Variants in CDH18 observed in about 807,000 individuals in gnomAD.
CDH18 encodes cadherin 18.
Under a neutral mutation model 67.9 loss-of-function variants are expected in CDH18, and 31 were observed. The ratio of observed to expected loss-of-function variants is 0.46; its 90% CI spans 0.34 to 0.62. The LOEUF (loss-of-function observed/expected upper bound fraction) is 0.62, where lower values mean the gene tolerates loss of function less well. Ranked by LOEUF, CDH18 falls within the 20% of genes least tolerant of loss-of-function variation. CDH18 has a pLI of 0.01. For synonymous variants in CDH18, 362 were observed against 347.2 expected (o/e 1.04, Z -0.48); for missense variants, 890 against 975.5 (o/e 0.91, Z 1.17).
intron 1 of CDH18, among the ~76,000 whole-genome samples, chr5:20,261,737 A>G (rs771143023): frequency 5.9e-5 from 9 of 152,198 alleles, no homozygotes; most frequent in Non-Finnish European, 1.3e-4. Flanking sequence ...TTTAAAAAAA[A>G]AAAATGATAG....
chr5:19,966,343 T>C (rs1353070187), intron 2 of CDH18, among the ~76,000 whole-genome samples: 1 of 152,154 alleles, frequency 6.6e-6, no homozygotes, highest in African/African-American at 2.4e-5. Context: ...AGGCTTCTAA[T>C]CTTTAATCAC....
chr5:20,400,783 A>C (rs778872686), intron 1 of CDH18, among the ~76,000 whole-genome samples: 1 of 152,188 alleles, frequency 6.6e-6, no homozygotes, highest in Non-Finnish European at 1.5e-5. Context: ...CCAAGTAATC[A>C]AACAAATAAA....
chr5:19,854,765 AT>A (rs1197378407), intron 2 of CDH18, among the ~76,000 whole-genome samples: 2 of 151,826 alleles, frequency 1.3e-5, no homozygotes, highest in East Asian at 3.9e-4. Flanking sequence ...TTATTTATTT[AT>A]TTTAACTTTT....
At chr5:20,171,169 C>T (rs377071219) in intron 2 of CDH18, among the ~76,000 whole-genome samples, 1 of 151,982 alleles carries the variant, frequency 6.6e-6, no homozygotes, top group Non-Finnish European at 1.5e-5. Flanking sequence ...AATAGTGCTG[C>T]AATATACATA....
intron 5 of CDH18, among the ~76,000 whole-genome samples, chr5:19,705,209 C>T (rs1360982536): frequency 1.3e-5 from 2 of 152,282 alleles, no homozygotes; most frequent in Non-Finnish European, 2.9e-5. Context: ...ACGTTATGAT[C>T]ACTTGCAAAA....
intron 3 of CDH18, among the ~76,000 whole-genome samples, chr5:19,779,983 A>G (rs906664116): frequency 2.6e-5 from 4 of 152,164 alleles, no homozygotes; most frequent in Non-Finnish European, 5.9e-5. Flanking sequence ...AAAATTATAT[A>G]TCATGCTAAG....
chr5:19,844,055 G>A (rs552516216), intron 2 of CDH18, among the ~76,000 whole-genome samples: 1 of 152,266 alleles, frequency 6.6e-6, no homozygotes, highest in East Asian at 1.9e-4. Flanking sequence ...GCTCCTAGGT[G>A]GGAGTGACTT....
chr5:20,500,152 A>G (rs1180622862), intron 1 of CDH18, among the ~76,000 whole-genome samples: 1 of 152,168 alleles, frequency 6.6e-6, no homozygotes, highest in Admixed American at 6.6e-5. Flanking sequence ...AAAAATAAAC[A>G]TTTTAATATC....
chr5:19,822,557 C>T (rs957082782), intron 3 of CDH18, among the ~76,000 whole-genome samples: 1 of 152,118 alleles, frequency 6.6e-6, no homozygotes, highest in African/African-American at 2.4e-5. Flanking sequence ...GCAGACATCA[C>T]ATGTCAGTAG....
chr5:19,561,467 A>G (rs894128541), intron 8 of CDH18, among the ~76,000 whole-genome samples: 2 of 152,124 alleles, frequency 1.3e-5, no homozygotes, highest in African/African-American at 4.8e-5. Flanking sequence ...ATGAGGATGC[A>G]AAGGCACAAG....
chr5:20,481,058 A>G (rs1199876029), intron 1 of CDH18, among the ~76,000 whole-genome samples: 6 of 151,082 alleles, frequency 4.0e-5, no homozygotes, highest in African/African-American at 1.5e-4. Flanking sequence ...GGCTGCCAGG[A>G]AAAAAAAAGC....
intron 2 of CDH18, among the ~76,000 whole-genome samples, chr5:20,197,972 T>G (rs533032116): frequency 8.5e-5 from 13 of 152,170 alleles, no homozygotes; most frequent in South Asian, 8.3e-4. Context: ...CCTCATGAGA[T>G]CTAATGGTTT....
At chr5:20,037,568 T>G (rs114388848) in intron 2 of CDH18, among the ~76,000 whole-genome samples, 3 of 151,834 alleles carry the variant, frequency 2.0e-5, no homozygotes, top group Admixed American at 1.3e-4. Context: ...AAAACCACAC[T>G]ATATGGAAAC....
intron 5 of CDH18, among the ~76,000 whole-genome samples, chr5:19,641,424 T>C (rs771809980): frequency 3.3e-5 from 5 of 151,990 alleles, no homozygotes; most frequent in Non-Finnish European, 5.9e-5. Context: ...TTGAAGAACA[T>C]AGATGCAAAC....
At chr5:19,741,240 TA>T (rs1769119731) in intron 4 of CDH18, among the ~76,000 whole-genome samples, 2 of 26,370 alleles carry the variant, frequency 7.6e-5, no homozygotes, top group Non-Finnish European at 6.9e-4. Flanking sequence ...TATATGTACA[TA>T]TATGTATGTA....
rs189467328 is a variant in CDH18 at position 19,884,239 on chromosome 5, T to G, written c.-256-44997A>C. ...TCGCCTACTTCAGCTCATTTCTTGCTATAAAAGACTGTTAACAAAATTGTT... is the reference window on the plus strand; with the variant it reads ...TCGCCTACTTCAGCTCATTTCTTGCGATAAAAGACTGTTAACAAAATTGTT... On this transcript the variant is annotated intron_variant, in intron 2 of 12. Coordinates refer to ENST00000382275, the MANE Select transcript of CDH18 (RefSeq NM_004934.5). Among the ~76,000 whole-genome samples the G allele has an allele frequency of 3.0e-3, 452 of 152,262 alleles. 5 individuals are homozygous for G. The highest frequency in any genetic ancestry group is 9.8e-3 in the African/African-American group (408 of 41,584).
intron 2 of CDH18, among the ~76,000 whole-genome samples, chr5:19,869,017 G>T (rs891698192): frequency 6.6e-6 from 1 of 152,002 alleles, no homozygotes; most frequent in Admixed American, 6.6e-5. Context: ...CATCATTAAG[G>T]GACAAAATAA....
chr5:20,259,276 A>G (rs1744470189), intron 1 of CDH18, among the ~76,000 whole-genome samples: 2 of 152,188 alleles, frequency 1.3e-5, no homozygotes, highest in South Asian at 4.1e-4. Flanking sequence ...GCACTGTGCT[A>G]TGCAGTAAAA....
intron 6 of CDH18, among the ~76,000 whole-genome samples, chr5:19,610,915 C>T (rs2150104801): frequency 6.6e-6 from 1 of 152,202 alleles, no homozygotes; most frequent in South Asian, 2.1e-4. Flanking sequence ...GCAAACGCCA[C>T]ATGAATGCAC....
Sources: gnomAD v4.1 joint callset for allele counts (sites outside exome capture counted in the v4.1 genomes callset) on GRCh38, gnomAD v4.1.1 for gene constraint, MANE v1.5 for transcripts, NCBI Gene and HGNC (gene_info 2026-07-23, HGNC 2026-07-21) for gene names.